DGKB: variants seen among roughly 807,000 people sequenced by gnomAD.
The protein encoded by DGKB is 90 kDa diacylglycerol kinase.
A neutral mutation model predicts 114.3 loss-of-function variants in DGKB; 67 were observed. The ratio of observed to expected loss-of-function variants is 0.59; its 90% CI spans 0.48 to 0.72. The LOEUF (loss-of-function observed/expected upper bound fraction) is 0.72, where lower values mean the gene tolerates loss of function less well. Ranked by LOEUF, DGKB falls within the 30% of genes least tolerant of loss-of-function variation. The pLI, the probability that DGKB is intolerant of heterozygous loss-of-function variation, is 0.00. For synonymous variants in DGKB, 398 were observed against 323.1 expected (o/e 1.23, Z -2.49); for missense variants, 907 against 975.2 (o/e 0.93, Z 0.93).
chr7:14,328,080 G>T lies in DGKB; in HGVS notation c.2122+10435C>A, dbSNP rs534108811. Among the ~76,000 whole-genome samples the T allele has an allele frequency of 3.9e-5, 6 of 152,084 alleles. No individual in the cohort carries two copies. In the East Asian group the frequency reaches 9.7e-4, roughly 24 times the overall value. ...CTTTCTTTCAGTAAATCTAAAAATG[G>T]AATGTTCTATGATACTAGTTGACTT... On this transcript the variant is annotated intron_variant, in intron 23 of 25. Transcript: ENST00000402815.
intron 21 of DGKB, among the ~76,000 whole-genome samples, chr7:14,409,220 C>T (rs1824440894): frequency 6.6e-6 from 1 of 152,114 alleles, no homozygotes; most frequent in South Asian, 2.1e-4. Flanking sequence ...TGATGCTAAT[C>T]ATCCCGAGGG....
intron 2 of DGKB, among the ~76,000 whole-genome samples, chr7:14,774,588 A>C (rs767022932): frequency 6.6e-6 from 1 of 152,206 alleles, no homozygotes; most frequent in African/African-American, 2.4e-5. Context: ...AATGTTATTT[A>C]AAACTTGGAT....
intron 23 of DGKB, among the ~76,000 whole-genome samples, chr7:14,233,067 G>C (rs1266203884): frequency 6.6e-6 from 1 of 152,044 alleles, no homozygotes; most frequent in African/African-American, 2.4e-5. Context: ...TTGCCTGAAT[G>C]GTTGCAAAAA....
chr7:14,706,168 A>C (rs1826187793), intron 6 of DGKB, among the ~76,000 whole-genome samples: 1 of 142,414 alleles, frequency 7.0e-6, no homozygotes, highest in Non-Finnish European at 1.5e-5. Flanking sequence ...TTGCAATCCT[A>C]GTCTCTGATA....
chr7:14,244,414 TG>T (rs1402343841), intron 23 of DGKB, among the ~76,000 whole-genome samples: 3 of 151,822 alleles, frequency 2.0e-5, no homozygotes, highest in African/African-American at 4.8e-5. Context: ...CCCAGCACTT[TG>T]GGAGGCTGAG....
intron 2 of DGKB, among the ~76,000 whole-genome samples, chr7:14,792,867 T>C (rs1034799831): frequency 2.0e-5 from 3 of 152,106 alleles, no homozygotes; most frequent in Admixed American, 6.6e-5. Context: ...GGAAATTCTA[T>C]AGGAAATTAC....
intron 21 of DGKB, among the ~76,000 whole-genome samples, chr7:14,437,318 G>C (rs2128804395): frequency 6.6e-6 from 1 of 152,108 alleles, no homozygotes. Context: ...TCTTTATTCA[G>C]TAATGCAGAA....
At chr7:14,379,399 G>GTTT in intron 21 of DGKB, among the ~76,000 whole-genome samples, 1 of 139,454 alleles carries the variant, frequency 7.2e-6, no homozygotes, top group South Asian at 2.3e-4. Flanking sequence ...AAATTATGGA[G>GTTT]TTTTTTTTTT....
At chr7:14,154,157 T>C (rs1782625925) in intron 25 of DGKB, among the ~76,000 whole-genome samples, 1 of 144,806 alleles carries the variant, frequency 6.9e-6, no homozygotes, top group African/African-American at 2.5e-5. Flanking sequence ...AATAGATAAA[T>C]TGATATGGTA....
intron 20 of DGKB, among the ~76,000 whole-genome samples, chr7:14,542,213 T>G (rs867996522): frequency 1.1e-4 from 17 of 152,164 alleles, no homozygotes; most frequent in African/African-American, 4.1e-4. Flanking sequence ...AGAAACACAG[T>G]CTTGCTAGTT....
intron 4 of DGKB, among the ~76,000 whole-genome samples, chr7:14,746,093 C>A (rs972617256): frequency 1.3e-5 from 2 of 152,156 alleles, no homozygotes; most frequent in African/African-American, 4.8e-5. Context: ...ATGCCTGGCA[C>A]TTTGGGAGGC....
At chr7:14,573,533 G>A (rs920341465) in intron 20 of DGKB, among the ~76,000 whole-genome samples, 3 of 150,768 alleles carry the variant, frequency 2.0e-5, no homozygotes, top group Non-Finnish European at 4.4e-5. Context: ...CATAAAATTA[G>A]CATGGGATGA....
chr7:14,868,518 T>C (rs1264231794), intron 1 of DGKB, among the ~76,000 whole-genome samples: 2 of 151,930 alleles, frequency 1.3e-5, no homozygotes, highest in Non-Finnish European at 2.9e-5. Flanking sequence ...GTATCTTCAG[T>C]AGAGATGGGG....
intron 2 of DGKB, among the ~76,000 whole-genome samples, chr7:14,788,861 C>T (rs888848391): frequency 5.0e-4 from 76 of 152,164 alleles, no homozygotes; most frequent in African/African-American, 1.8e-3. Context: ...CTTGTGATGC[C>T]TAAATAATAA....
At chr7:14,343,799 G>A (rs1047752165) in intron 22 of DGKB, among the ~76,000 whole-genome samples, 2 of 149,520 alleles carry the variant, frequency 1.3e-5, no homozygotes, top group Non-Finnish European at 3.0e-5. Flanking sequence ...AAGAGTAAAG[G>A]GGTATGTATA....
chr7:14,809,249 T>G (rs1354812847), intron 2 of DGKB, among the ~76,000 whole-genome samples: 1 of 152,252 alleles, frequency 6.6e-6, no homozygotes, highest in African/African-American at 2.4e-5. Flanking sequence ...GACTGTGATT[T>G]AATTTACGAT....
chr7:14,671,874 T>C (rs1819020714), intron 13 of DGKB, among the ~76,000 whole-genome samples: 1 of 152,148 alleles, frequency 6.6e-6, no homozygotes, highest in African/African-American at 2.4e-5. Flanking sequence ...TAAAGTATTT[T>C]TATATGGCTC....
intron 21 of DGKB, among the ~76,000 whole-genome samples, chr7:14,459,771 G>A (rs1253945319): frequency 6.6e-6 from 1 of 152,070 alleles, no homozygotes; most frequent in South Asian, 2.1e-4. Flanking sequence ...TCGTTGAGAA[G>A]AGCAACCCCA....
chr7:14,649,407 T>C (rs1050016277), intron 13 of DGKB, among the ~76,000 whole-genome samples: 1 of 149,324 alleles, frequency 6.7e-6, no homozygotes, highest in African/African-American at 2.5e-5. Flanking sequence ...GCTTCATAAG[T>C]GAAGGAGAAA....
Sources: gnomAD v4.1 joint callset for allele counts (sites outside exome capture counted in the v4.1 genomes callset) on GRCh38, gnomAD v4.1.1 for gene constraint, MANE v1.5 for transcripts, NCBI Gene and HGNC (gene_info 2026-07-23, HGNC 2026-07-21) for gene names.